CDH13: variants seen among roughly 807,000 people sequenced by gnomAD.
The protein encoded by CDH13 is cadherin 13.
CDH13 carries 24 observed loss-of-function variants against 63.8 expected under a neutral mutation model. The observed-to-expected ratio is 0.38, with a 90% CI of 0.27 to 0.53. The LOEUF (loss-of-function observed/expected upper bound fraction) is 0.53, where lower values mean the gene tolerates loss of function less well. Among genes scored for constraint, CDH13 ranks in the 20% least tolerant of loss-of-function variants. The pLI, the probability that CDH13 is intolerant of heterozygous loss-of-function variation, is 0.85. For synonymous variants in CDH13, 503 were observed against 355.3 expected, an observed-to-expected ratio of 1.42 and a Z score of -4.67; for missense variants, 1,049 against 903.1, an observed-to-expected ratio of 1.16 and a Z score of -2.07.
At chr16:82,663,650 C>T (rs12446203) in intron 1 of CDH13, among the ~76,000 whole-genome samples, 38,244 of 152,136 alleles carry the variant, frequency 0.25, 5,050 homozygotes, top group South Asian at 0.32. Context: ...ACATCACTCT[C>T]TTGTGAAGAT....
intron 8 of CDH13, among the ~76,000 whole-genome samples, chr16:83,626,310 G>A (rs1355788021): frequency 3.3e-5 from 5 of 152,196 alleles, no homozygotes; most frequent in East Asian, 1.9e-4. Flanking sequence ...CCATCAGGAC[G>A]TGTTGATGAG....
intron 5 of CDH13, among the ~76,000 whole-genome samples, chr16:83,319,703 C>T (rs906508678): frequency 6.6e-5 from 10 of 151,748 alleles, no homozygotes; most frequent in South Asian, 4.2e-4. Flanking sequence ...GTGACAGGAA[C>T]GGAGAAGGAA....
At chr16:82,987,765 C>G (rs1436696683) in intron 2 of CDH13, among the ~76,000 whole-genome samples, 1 of 152,178 alleles carries the variant, frequency 6.6e-6, no homozygotes, top group East Asian at 1.9e-4. Context: ...AAGGAATTCC[C>G]TATGGCTGCA....
In CDH13 at chr16:83,752,278, A is replaced by G. The variant is rs58292516; in HGVS notation, c.1681+4028A>G. Among the ~76,000 whole-genome samples, 477 of 152,328 alleles carry G rather than the reference A, an allele frequency of 3.1e-3. 2 individuals are homozygous for G. The highest frequency in any genetic ancestry group is 0.01 in the African/African-American group (436 of 41,578). On this transcript the variant is annotated intron_variant, in intron 11 of 13. Coordinates refer to ENST00000567109, the MANE Select transcript of CDH13 (RefSeq NM_001257.5). ...TCCAAAGAAACTAGAAATGCGGTAT[A>G]CTTGAATTGTTACCAGAAGCGAGAG...
chr16:83,258,438 C>G (rs143255736), intron 5 of CDH13, among the ~76,000 whole-genome samples: 2 of 152,126 alleles, frequency 1.3e-5, no homozygotes, highest in African/African-American at 4.8e-5. Context: ...AGTGACTGGT[C>G]TAGAAATAAA....
chr16:83,443,714 AAAAAAAAAAAAAAAAAAAAAAATAT>A (rs1302330948), intron 6 of CDH13, among the ~76,000 whole-genome samples: 5 of 91,880 alleles, frequency 5.4e-5, no homozygotes, highest in African/African-American at 1.7e-4. Flanking sequence ...CGAAAAAAAA[AAAAAAAAAAAAAAAAAAAAAAATAT>A]ATATATATAT....
intron 1 of CDH13, among the ~76,000 whole-genome samples, chr16:82,698,037 G>A (rs1037942): frequency 0.98 from 148,556 of 152,150 alleles, 72,634 homozygotes; most frequent in Middle Eastern, 1. Context: ...CTATAAAGAA[G>A]TATCTGTTGA....
intron 6 of CDH13, among the ~76,000 whole-genome samples, chr16:83,459,486 C>T (rs1412832011): frequency 6.6e-6 from 1 of 152,098 alleles, no homozygotes. Flanking sequence ...TTAATTTTGC[C>T]TTTGGCTTAT....
chr16:83,244,406 A>G (rs2151818015), intron 5 of CDH13, among the ~76,000 whole-genome samples: 1 of 152,328 alleles, frequency 6.6e-6, no homozygotes, highest in Non-Finnish European at 1.5e-5. Flanking sequence ...TAAGTTTATC[A>G]GCAGTAAGAA....
rs978859772 is a variant in CDH13, at chr16:82,994,484, C to G, written c.158-37526C>G. Among the ~76,000 whole-genome samples, 8 of 152,186 alleles carry G rather than the reference C, an allele frequency of 5.3e-5. No individual in the cohort carries two copies. In the East Asian group the frequency reaches 1.5e-3, roughly 29 times the overall value. ...GCTCCAGCAAAGAGACCATGGAGAG[C>G]GTAGCCTTTCATCGTAATCTCCCAA... On this transcript the variant is annotated intron_variant, in intron 2 of 13. Coordinates refer to ENST00000567109, the MANE Select transcript of CDH13 (RefSeq NM_001257.5).
chr16:82,922,382 A>G (rs1469774315), intron 2 of CDH13, among the ~76,000 whole-genome samples: 2 of 152,218 alleles, frequency 1.3e-5, no homozygotes, highest in African/African-American at 4.8e-5. Flanking sequence ...TTACAGAAGA[A>G]GACATAGGCA....
intron 9 of CDH13, among the ~76,000 whole-genome samples, chr16:83,672,223 A>G (rs1914558053): frequency 6.6e-6 from 1 of 152,034 alleles, no homozygotes; most frequent in Non-Finnish European, 1.5e-5. Flanking sequence ...GTTATAATGA[A>G]GTACTGTAGG....
At chr16:83,159,647 G>A (rs2037361172) in intron 4 of CDH13, among the ~76,000 whole-genome samples, 1 of 152,054 alleles carries the variant, frequency 6.6e-6, no homozygotes, top group African/African-American at 2.4e-5. Context: ...GGGTCACAGT[G>A]GTCACTAAAG....
At chr16:83,280,818 G>A (rs768736623) in intron 5 of CDH13, among the ~76,000 whole-genome samples, 19 of 152,174 alleles carry the variant, frequency 1.2e-4, no homozygotes, top group African/African-American at 3.6e-4. Context: ...GGACATTTCC[G>A]TCAGAGCTCT....
chr16:83,351,044 T>C (rs1023038968), intron 6 of CDH13, among the ~76,000 whole-genome samples: 9 of 152,220 alleles, frequency 5.9e-5, no homozygotes, highest in Non-Finnish European at 1.3e-4. Flanking sequence ...AGTTGATAGT[T>C]GATATTTGAC....
intron 4 of CDH13, among the ~76,000 whole-genome samples, chr16:83,171,033 C>T (rs971781973): frequency 6.6e-6 from 1 of 152,092 alleles, no homozygotes; most frequent in Non-Finnish European, 1.5e-5. Context: ...GCCATTCTCA[C>T]ATGGCTATAA....
At chr16:83,201,794 G>A (rs2039040158) in intron 4 of CDH13, among the ~76,000 whole-genome samples, 1 of 151,740 alleles carries the variant, frequency 6.6e-6, no homozygotes, top group Non-Finnish European at 1.5e-5. Flanking sequence ...GCGGGTGCCT[G>A]TAGTCCCAGC....
intron 4 of CDH13, among the ~76,000 whole-genome samples, chr16:83,207,331 A>G (rs1039689595): frequency 6.6e-6 from 1 of 152,222 alleles, no homozygotes; most frequent in Non-Finnish European, 1.5e-5. Flanking sequence ...GAATCAGACA[A>G]TATCTGTTCT....
chr16:83,566,532 C>T (rs991413474), intron 7 of CDH13, among the ~76,000 whole-genome samples: 2 of 152,120 alleles, frequency 1.3e-5, no homozygotes, highest in Non-Finnish European at 2.9e-5. Context: ...CTCCCTCTTC[C>T]ACTCTCTCCA....
Sources: allele counts gnomAD v4.1 joint callset (sites outside exome capture counted in the v4.1 genomes callset), GRCh38; gene constraint gnomAD v4.1.1; transcripts MANE v1.5; gene names NCBI Gene and HGNC (gene_info 2026-07-23, HGNC 2026-07-21).